The following LMNTD1 variants were observed in gnomAD, a reference collection of about 807,000 sequenced individuals.
LMNTD1 encodes lamin tail domain containing 1.
A neutral mutation model predicts 50.9 loss-of-function variants in LMNTD1; 35 were observed. The observed-to-expected ratio is 0.69, with a 90% CI of 0.53 to 0.91. The LOEUF (loss-of-function observed/expected upper bound fraction) is 0.91. LMNTD1 is among the 40% of genes least tolerant of loss of function. LMNTD1 has a pLI of 0.00. For missense variants in LMNTD1, 470 were observed against 475.5 expected (o/e 0.99, Z 0.11); for synonymous variants, 153 against 161.9 (o/e 0.94, Z 0.42).
At chr12:25,640,857 C>T (rs981339056) in intron 1 of LMNTD1, among the ~76,000 whole-genome samples, 1 of 151,964 alleles carries the variant, frequency 6.6e-6, no homozygotes, top group African/African-American at 2.4e-5. Flanking sequence ...TTAGCAGAGA[C>T]GGGGTTTCAC....
At chr12:25,480,992 T>G (rs1938426189) in intron 9 of LMNTD1, among the ~76,000 whole-genome samples, 1 of 152,208 alleles carries the variant, frequency 6.6e-6, no homozygotes, top group African/African-American at 2.4e-5. Flanking sequence ...CCTGCTCTAC[T>G]GGTTGCCTCT....
chr12:25,640,741 C>T (rs998441872), intron 1 of LMNTD1, among the ~76,000 whole-genome samples: 3 of 151,844 alleles, frequency 2.0e-5, no homozygotes, highest in East Asian at 2.0e-4. Flanking sequence ...CAGCTCACTA[C>T]AAGCTCCACC....
intron 8 of LMNTD1, 94 bp downstream of exon 8, chr12:25,518,701 C>T: frequency 9.3e-7 from 1 of 1,075,048 alleles, no homozygotes; most frequent in Non-Finnish European, 1.4e-6. Flanking sequence ...TCATCTTTAA[C>T]ACTTAGCACA....
chr12:25,624,513 G>A (rs528041199), intron 1 of LMNTD1, among the ~76,000 whole-genome samples: 107 of 152,276 alleles, frequency 7.0e-4, no homozygotes, highest in Non-Finnish European at 1.4e-3. Context: ...TGATGGTGTG[G>A]ATTTATATGA....
intron 1 of LMNTD1, among the ~76,000 whole-genome samples, chr12:25,598,797 C>T (rs535911138): frequency 6.6e-6 from 1 of 151,928 alleles, no homozygotes; most frequent in South Asian, 2.1e-4. Flanking sequence ...CAGGATTGAA[C>T]CAGAAAGAAA....
chr12:25,546,635 T>C (rs1943453846), intron 3 of LMNTD1, 81 bp from the exon 4 acceptor site: 3 of 754,734 alleles, frequency 4.0e-6, no homozygotes, highest in South Asian at 4.7e-5. Context: ...CCATTATCTT[T>C]ATTCTCTGCT....
chr12:25,631,055 G>T (rs1169600638), intron 1 of LMNTD1, among the ~76,000 whole-genome samples: 8 of 152,092 alleles, frequency 5.3e-5, no homozygotes, highest in Non-Finnish European at 1.2e-4. Context: ...CTCACAACCT[G>T]CATGACTTAA....
intron 1 of LMNTD1, among the ~76,000 whole-genome samples, chr12:25,617,133 G>A (rs1946367362): frequency 6.6e-6 from 1 of 152,202 alleles, no homozygotes; most frequent in Non-Finnish European, 1.5e-5. Flanking sequence ...GTAAGACTCA[G>A]AAGCTCTGAG....
intron 9 of LMNTD1, among the ~76,000 whole-genome samples, chr12:25,479,269 G>A (rs1019494141): frequency 6.6e-6 from 1 of 152,138 alleles, no homozygotes; most frequent in African/African-American, 2.4e-5. Flanking sequence ...CTAGCAGAAC[G>A]TATTGTCGTG....
At chr12:25,618,689 T>C (rs1946398676) in intron 1 of LMNTD1, among the ~76,000 whole-genome samples, 2 of 152,206 alleles carry the variant, frequency 1.3e-5, no homozygotes, top group South Asian at 4.1e-4. Flanking sequence ...ATTTACTCTA[T>C]ACTTGGTAAA....
chr12:25,566,747 T>C (rs1359933932), intron 1 of LMNTD1, among the ~76,000 whole-genome samples: 1 of 152,234 alleles, frequency 6.6e-6, no homozygotes, highest in Non-Finnish European at 1.5e-5. Flanking sequence ...GGTTGCTCAC[T>C]GTTGATGAAC....
chr12:25,587,664 T>C (rs543783782), intron 1 of LMNTD1, among the ~76,000 whole-genome samples: 18 of 152,286 alleles, frequency 1.2e-4, no homozygotes, highest in African/African-American at 4.3e-4. Flanking sequence ...GGGGATTACA[T>C]CCCAAAAAGA....
rs572721992 is a variant in LMNTD1, at chr12:25,549,876, T to A, written c.90-330A>T. 6.9e-4 allele frequency among the ~76,000 whole-genome samples: 105 copies of A among 152,314 alleles called. 1 individual carries two copies. The highest frequency in any genetic ancestry group is 3.4e-3 in the Middle Eastern group (1 of 294). On this transcript the variant is annotated intron_variant, in intron 2 of 9. Transcript: ENST00000458174. ...TACCATCTCCTTCCAGGCTTTTAAA[T>A]GTACTTTTTACTCTAAGTGGAGACT...
At chr12:25,597,013 T>C (rs182549216) in intron 1 of LMNTD1, among the ~76,000 whole-genome samples, 6 of 152,156 alleles carry the variant, frequency 3.9e-5, no homozygotes, top group Admixed American at 2.6e-4. Context: ...GGTTATAAGA[T>C]AGTATTTGCA....
intron 4 of LMNTD1, among the ~76,000 whole-genome samples, chr12:25,531,260 A>T (rs146476869): frequency 6.6e-6 from 1 of 152,340 alleles, no homozygotes; most frequent in Non-Finnish European, 1.5e-5. Flanking sequence ...GGCCTAGAGA[A>T]CTATGTGTTA....
At chr12:25,616,591 C>T (rs1051419967) in intron 1 of LMNTD1, among the ~76,000 whole-genome samples, 2 of 152,094 alleles carry the variant, frequency 1.3e-5, no homozygotes, top group African/African-American at 4.8e-5. Flanking sequence ...GTATCTTGAC[C>T]AGATCAATAT....
intron 1 of LMNTD1, among the ~76,000 whole-genome samples, chr12:25,612,178 A>T (rs935778505): frequency 2.6e-5 from 4 of 152,124 alleles, no homozygotes; most frequent in African/African-American, 7.2e-5. Flanking sequence ...GCAAAATTAA[A>T]TTTTTTTAGA....
At chr12:25,563,931 G>A (rs1438861624) in intron 1 of LMNTD1, among the ~76,000 whole-genome samples, 3 of 152,176 alleles carry the variant, frequency 2.0e-5, no homozygotes, top group Non-Finnish European at 4.4e-5. Context: ...CGTAGGCGTG[G>A]GACCCTCCAA....
At chr12:25,526,262 C>A in intron 5 of LMNTD1, 44 bp from the exon 6 acceptor site, 1 of 1,587,662 alleles carries the variant, frequency 6.3e-7, no homozygotes, top group East Asian at 2.3e-5. Context: ...GAGTTGAACA[C>A]AATTTTGTAA....
Sources: gnomAD v4.1 joint callset for allele counts (sites outside exome capture counted in the v4.1 genomes callset) on GRCh38, gnomAD v4.1.1 for gene constraint, MANE v1.5 for transcripts, NCBI Gene and HGNC (gene_info 2026-07-23, HGNC 2026-07-21) for gene names.